TNPO3: variants seen among roughly 807,000 people sequenced by gnomAD.
The protein encoded by TNPO3 is transportin-3.
TNPO3 carries 65 observed loss-of-function variants against 122.8 expected under a neutral mutation model. The ratio of observed to expected loss-of-function variants is 0.53; its 90% confidence interval spans 0.43 to 0.65. TNPO3 has a LOEUF of 0.65. Ranked by LOEUF, TNPO3 falls within the 30% of genes least tolerant of loss-of-function variation. TNPO3 has a pLI of 0.00. For missense variants in TNPO3, 850 were observed against 1,136.7 expected (o/e 0.75, Z 3.63); for synonymous variants, 372 against 411.2 (o/e 0.90, Z 1.15).
intron 18 of TNPO3, among the ~76,000 whole-genome samples, chr7:128,973,318 T>C (rs2128996322): frequency 6.6e-6 from 1 of 152,318 alleles, no homozygotes; most frequent in South Asian, 2.1e-4. Context: ...ATCAGGTTTC[T>C]AAGTTCCTTT....
chr7:129,030,755 G>A (rs1805837165), intron 1 of TNPO3, among the ~76,000 whole-genome samples: 1 of 151,834 alleles, frequency 6.6e-6, no homozygotes, highest in Non-Finnish European at 1.5e-5. Flanking sequence ...CTAGGATATA[G>A]GTCACACATT....
chr7:129,005,061 G>C lies in TNPO3; in HGVS notation c.651C>G (p.Asn217Lys). The change falls in exon 5 of 23, where the codon AAC becomes AAG. Residue 217 changes from asparagine (N) to lysine (K), a missense_variant. Physicochemically the swap from Asn to Lys is moderately conservative, Grantham distance 94 (BLOSUM62 0). Transcript: ENST00000265388. ...CTAGTAATTTATTGTTAGCCATGAAGTTACTGTCCAAAACTCCCAAGTTAA... is the reference window on the plus strand; with the variant it reads ...CTAGTAATTTATTGTTAGCCATGAACTTACTGTCCAAAACTCCCAAGTTAA... The part of the protein sequence containing the change: ...SWFNLGVLDS[N>K]FMANNKLLAL... The C allele has an allele frequency of 6.2e-7, 1 of 1,613,802 alleles. No individual in the cohort carries two copies. Among genetic ancestry groups the C allele is most frequent in the East Asian group, 2.2e-5 (1 of 44,824 alleles).
At chr7:128,979,491 G>C (rs2129004132) in intron 15 of TNPO3, among the ~76,000 whole-genome samples, 1 of 152,336 alleles carries the variant, frequency 6.6e-6, no homozygotes, top group African/African-American at 2.4e-5. Context: ...AAAAGGACTA[G>C]AGTTAAGGAA....
rs776486294 is a variant in TNPO3, at chr7:128,975,863, C to A, written c.2134G>T (p.Gly712Cys). 1.2e-6 allele frequency: 2 copies of A among 1,613,872 alleles called. No homozygotes were observed. The highest frequency in any genetic ancestry group is 2.7e-5 in the African/African-American group (2 of 74,932). ...CCCTGCCGACAGCCTTCTTCCATGC[C>A]ATATTCATCCACAAGGATACTGCCA... Reference protein sequence around the residue: ...YLGSILVDEYGMEEGCRQGLL... With the variant: ...YLGSILVDEYCMEEGCRQGLL... Residue 712 changes from glycine to cysteine, a missense_variant, in exon 17 of 23, where the codon GGC becomes TGC. By Grantham distance (159) the Gly-to-Cys change is radical. Coordinates refer to ENST00000265388, the MANE Select transcript of TNPO3 (RefSeq NM_012470.4).
chr7:128,982,611 C>A (rs980882127), intron 13 of TNPO3, among the ~76,000 whole-genome samples: 5 of 151,724 alleles, frequency 3.3e-5, no homozygotes, highest in Non-Finnish European at 7.4e-5. Context: ...TTCCCATTTA[C>A]CTTAATTATT....
At position 128,972,511 on chromosome 7, in the gene TNPO3, G is replaced by A; in HGVS notation, c.2345C>T (p.Ala782Val). ...VVIPILQWAI[A>V]STTLDHRDAN... is the part of the protein sequence containing the mutation. ...ATCCCGGTGGTCCAGGGTAGTAGAG[G>A]CAATGGCCCACTGTAAGATAGGGAT... is the stretch of plus-strand genomic sequence containing the variant. Residue 782 changes from alanine (A) to valine (V), a missense_variant, in exon 19 of 23, where the codon GCC (alanine) becomes GTC (valine). Physicochemically the swap from Ala to Val is moderately conservative, Grantham distance 64. Transcript: ENST00000265388. 2 of 1,613,910 alleles carry A rather than the reference G, an allele frequency of 1.2e-6. No individual in the cohort carries two copies. Among genetic ancestry groups the A allele is most frequent in the Non-Finnish European group, 1.7e-6 (2 of 1,179,954 alleles).
At chr7:129,033,906 C>CAAAAAAAAAAAAAAAAAAAAAA (rs776103730) in intron 1 of TNPO3, among the ~76,000 whole-genome samples, 1 of 72,476 alleles carries the variant, frequency 1.4e-5, no homozygotes, top group Non-Finnish European at 2.8e-5. Flanking sequence ...GAGCTAAACT[C>CAAAAAAAAAAAAAAAAAAAAAA]AAAAAAAAAA....
In TNPO3 at chr7:128,993,042, A is replaced by G. The variant is rs895194153; in HGVS notation, c.1266+765T>C. Among the ~76,000 whole-genome samples, 7 of 152,048 alleles carry G rather than the reference A, an allele frequency of 4.6e-5. No homozygotes were observed. In the East Asian group the frequency reaches 1.2e-3, roughly 25 times the overall value. ...ACTCTTCATAGATGGGTCAATAAGC[A>G]TGCTTTGCTTAATATAATGAAAATA... On this transcript the variant is annotated intron_variant, in intron 9 of 22. Coordinates refer to ENST00000265388, the MANE Select transcript of TNPO3 (RefSeq NM_012470.4).
chr7:129,039,482 C>G (rs541660046), intron 1 of TNPO3, among the ~76,000 whole-genome samples: 2 of 152,136 alleles, frequency 1.3e-5, no homozygotes, highest in Non-Finnish European at 2.9e-5. Context: ...ATTGCTTGAG[C>G]TGGAGAGGCA....
At position 128,986,364 on chromosome 7, in the gene TNPO3, T is replaced by A. The variant is rs112013092; in HGVS notation, c.1690+365A>T. ...TCTACTCATGGCACTGATCCATGTA[T>A]ACTACCTTTCAACTCCCATTTACCT... is the stretch of plus-strand genomic sequence containing the variant. On this transcript the variant is annotated intron_variant, in intron 12 of 22. Transcript: ENST00000265388. Among the ~76,000 whole-genome samples the A allele has an allele frequency of 1.7e-3, 260 of 152,348 alleles. 3 individuals carry two copies. Among genetic ancestry groups the A allele is most frequent in the African/African-American group, 5.7e-3 (237 of 41,578 alleles).
At chr7:128,957,534 A>C (rs543311083) in intron 21 of TNPO3, among the ~76,000 whole-genome samples, 4 of 152,088 alleles carry the variant, frequency 2.6e-5, no homozygotes, top group Non-Finnish European at 4.4e-5. Context: ...CAAAGGGTGT[A>C]CTCTGGACAC....
intron 9 of TNPO3, among the ~76,000 whole-genome samples, chr7:128,992,797 C>A (rs553390736): frequency 1.6e-5 from 2 of 121,820 alleles, no homozygotes; most frequent in Non-Finnish European, 1.8e-5. Context: ...TAATTAATAA[C>A]TTTTTTTTGG....
At chr7:129,047,556 GTTT>G (rs1808198805) in intron 1 of TNPO3, among the ~76,000 whole-genome samples, 3 of 152,170 alleles carry the variant, frequency 2.0e-5, no homozygotes. Context: ...GAAAATGGCT[GTTT>G]TATACAAATA....
In TNPO3 at chr7:129,034,603, T is replaced by C. The variant is rs113669262; in HGVS notation, c.121-16446A>G. ...GAGATCTGTCCCTGTCATAAAGACC[T>C]GCGAGGCCAGGCGCGGTGGCTCACG... On this transcript the variant is annotated intron_variant, in intron 1 of 22. Transcript: ENST00000265388. 4.5e-3 allele frequency among the ~76,000 whole-genome samples: 676 copies of C among 151,396 alleles called. 4 individuals are homozygous for C. Among genetic ancestry groups the C allele is most frequent in the Middle Eastern group, 0.027 (8 of 292 alleles).
In TNPO3 at chr7:128,962,570, T is replaced by C. The variant is rs1372337338; in HGVS notation, c.2711+4710A>G. ...TGCATGGGACAGAAAGTTCAAGGGC[T>C]TTCTGTCTTGTCTACTACAGGCATT... On this transcript the variant is annotated intron_variant, in intron 21 of 22. Transcript: ENST00000265388. Among the ~76,000 whole-genome samples, 4 of 152,304 alleles carry C rather than the reference T, an allele frequency of 2.6e-5. No individual in the cohort carries two copies. In the East Asian group the frequency reaches 7.7e-4, roughly 29 times the overall value.
In TNPO3 at chr7:129,010,073, T is replaced by C. The variant is rs1049964276; in HGVS notation, c.552+4906A>G. Among the ~76,000 whole-genome samples, 9 of 152,180 alleles carry C rather than the reference T, an allele frequency of 5.9e-5. 1 individual carries two copies. The highest frequency in any genetic ancestry group is 4.6e-4 in the Admixed American group (7 of 15,274). On this transcript the variant is annotated intron_variant, in intron 4 of 22. Transcript: ENST00000265388. ...ATCCTCATTTTGAAAAGAATTAAGATTTATCCTACCTTTCTAGTAGGAGCT... is the reference window on the plus strand; with the variant it reads ...ATCCTCATTTTGAAAAGAATTAAGACTTATCCTACCTTTCTAGTAGGAGCT...
Position 129,017,971 on chromosome 7 carries a change from C to T in TNPO3, c.307G>A (p.Val103Ile), listed in dbSNP as rs1804036437. ...ACAGGATTTACCTGCGTTACAATAA[C>T]AGGTGACAAGTCTTTCAAGTTCTGG... ...HIQNLKDLSP[V>I]IVTQLALAIA... Residue 103 changes from valine (V) to isoleucine (I), a missense_variant, in exon 2 of 23, where the codon GTT (valine) becomes ATT (isoleucine). Physicochemically the swap from Val to Ile is conservative, Grantham distance 29. Transcript: ENST00000265388. 13 of 1,614,092 alleles carry T rather than the reference C, an allele frequency of 8.1e-6. No homozygotes were observed. Among genetic ancestry groups the T allele is most frequent in the Non-Finnish European group, 1.0e-5 (12 of 1,179,988 alleles).
intron 1 of TNPO3, among the ~76,000 whole-genome samples, chr7:129,022,968 A>C (rs1033879726): frequency 6.6e-6 from 1 of 152,230 alleles, no homozygotes; most frequent in African/African-American, 2.4e-5. Flanking sequence ...TGAAAGTCGA[A>C]AGAGAAGTGG....
In TNPO3 at chr7:128,997,464, A is replaced by T; in HGVS notation, c.1083T>A (p.Ile361=). 6.2e-7 allele frequency: 1 copy of T among 1,614,190 alleles called. No individual in the cohort carries two copies. Among genetic ancestry groups the T allele is most frequent in the Middle Eastern group, 1.6e-4 (1 of 6,062 alleles). The part of the protein sequence containing the change: ...EHLYKTNDEV[I]HGIFKAYIQR... The stretch of plus-strand genomic sequence containing the variant: ...GAATGTAAGCTTTGAAGATGCCATG[A>T]ATAACTTCATCGTTAGTTTTGTACA... Residue 361 remains isoleucine, a synonymous_variant, in exon 8 of 23, where the codon ATT becomes ATA. Coordinates refer to ENST00000265388, the MANE Select transcript of TNPO3 (RefSeq NM_012470.4).
Sources: allele counts gnomAD v4.1 joint callset (sites outside exome capture counted in the v4.1 genomes callset), GRCh38; gene constraint gnomAD v4.1.1; transcripts MANE v1.5; gene names NCBI Gene and HGNC (gene_info 2026-07-23, HGNC 2026-07-21).